Variants in PCSK5 observed in about 807,000 individuals in gnomAD.
PCSK5 encodes proprotein convertase subtilisin/kexin type 5, also known as prohormone convertase 5.
A neutral mutation model predicts 233.2 loss-of-function variants in PCSK5; 129 were observed. The ratio of observed to expected loss-of-function variants is 0.55; its 90% CI spans 0.48 to 0.64. PCSK5 has a LOEUF of 0.64. Among genes scored for constraint, PCSK5 ranks in the 30% least tolerant of loss-of-function variants. The pLI is 0.00. For missense variants in PCSK5, 2,076 were observed against 2,430.1 expected (o/e 0.85, Z 3.06); for synonymous variants, 825 against 879.2 (o/e 0.94, Z 1.09).
intron 5 of PCSK5, among the ~76,000 whole-genome samples, chr9:76,054,121 A>G (rs10118982): frequency 0.066 from 9,974 of 152,136 alleles, 1,072 homozygotes; most frequent in African/African-American, 0.23. Flanking sequence ...AAGACTTACT[A>G]TCACAAGAAC....
intron 26 of PCSK5, 146 bp downstream of exon 26, chr9:76,295,557 G>C: frequency 1.5e-6 from 1 of 659,110 alleles, no homozygotes. Flanking sequence ...ATTTGGTTTA[G>C]AAATAAACAT....
chr9:76,031,096 T>TGC (rs1828636741), intron 5 of PCSK5, among the ~76,000 whole-genome samples: 1 of 152,220 alleles, frequency 6.6e-6, no homozygotes, highest in Non-Finnish European at 1.5e-5. Context: ...TCAGTAGTTC[T>TGC]GCCTGATTTT....
rs147146106 is a variant in PCSK5 at position 76,138,167 on chromosome 9, G to A, written c.1312+3955G>A. ...GAAGAAACGTCAGGGACACCATGGC[G>A]TTGACTAATCTGACCTGCCCTGGTG... On this transcript the variant is annotated intron_variant, in intron 10 of 37. Transcript: ENST00000674117. 3.7e-3 allele frequency among the ~76,000 whole-genome samples: 566 copies of A among 152,146 alleles called. 3 individuals are homozygous for A. The highest frequency in any genetic ancestry group is 0.013 in the African/African-American group (535 of 41,512).
chr9:76,026,916 T>C, intron 4 of PCSK5, 45 bp from the exon 5 acceptor site: 1 of 1,318,314 alleles, frequency 7.6e-7, no homozygotes, highest in Non-Finnish European at 1.1e-6. Flanking sequence ...GGCTAATTAA[T>C]GAATGTCCAT....
chr9:76,248,388 A>G (rs977368840), intron 24 of PCSK5, among the ~76,000 whole-genome samples: 5 of 152,210 alleles, frequency 3.3e-5, no homozygotes, highest in African/African-American at 1.2e-4. Flanking sequence ...CTCAATTAAT[A>G]TTTTAAATCC....
At chr9:75,913,700 T>C (rs1433681990) in intron 1 of PCSK5, among the ~76,000 whole-genome samples, 1 of 152,228 alleles carries the variant, frequency 6.6e-6, no homozygotes, top group Non-Finnish European at 1.5e-5. Context: ...CACTAGGAGC[T>C]AATACACATT....
intron 10 of PCSK5, among the ~76,000 whole-genome samples, chr9:76,148,647 T>C (rs1823549684): frequency 6.6e-6 from 1 of 152,168 alleles, no homozygotes; most frequent in Non-Finnish European, 1.5e-5. Flanking sequence ...CTTCTGTCCA[T>C]CACCCTGTTC....
At chr9:76,251,656 C>CA (rs1382930428) in intron 24 of PCSK5, among the ~76,000 whole-genome samples, 2 of 151,564 alleles carry the variant, frequency 1.3e-5, no homozygotes, top group Non-Finnish European at 2.9e-5. Flanking sequence ...CTGTATAATA[C>CA]AGTAACTGAA....
intron 20 of PCSK5, among the ~76,000 whole-genome samples, chr9:76,213,042 G>T (rs2131288627): frequency 6.6e-6 from 1 of 152,314 alleles, no homozygotes; most frequent in African/African-American, 2.4e-5. Flanking sequence ...GATCCTCCAA[G>T]TGGAGCAGAG....
intron 7 of PCSK5, among the ~76,000 whole-genome samples, chr9:76,091,956 C>T (rs1188249068): frequency 6.6e-6 from 1 of 152,160 alleles, no homozygotes; most frequent in Non-Finnish European, 1.5e-5. Flanking sequence ...CAGCAGCAAC[C>T]TACTGTCCTC....
intron 35 of PCSK5, 59 bp downstream of exon 35, chr9:76,338,506 T>G: frequency 8.0e-7 from 1 of 1,252,570 alleles, no homozygotes; most frequent in Non-Finnish European, 1.1e-6. Context: ...GTTTTCTTCC[T>G]TATTTGCCCC....
chr9:76,176,454 T>C (rs1320326757), intron 14 of PCSK5, among the ~76,000 whole-genome samples: 1 of 152,246 alleles, frequency 6.6e-6, no homozygotes, highest in African/African-American at 2.4e-5. Context: ...CCCATTTCCA[T>C]AGCAATTATT....
At chr9:76,280,807 T>A (rs1247901199) in intron 24 of PCSK5, among the ~76,000 whole-genome samples, 1 of 149,698 alleles carries the variant, frequency 6.7e-6, no homozygotes, top group Non-Finnish European at 1.5e-5. Context: ...AAGTTGTGAA[T>A]GCAAAGCAAA....
intron 20 of PCSK5, among the ~76,000 whole-genome samples, chr9:76,207,244 C>T (rs1332070647): frequency 6.6e-6 from 1 of 152,210 alleles, no homozygotes; most frequent in African/African-American, 2.4e-5. Context: ...CAAGGTAATA[C>T]TCACAGGTCC....
chr9:76,059,410 G>A (rs1684895462), intron 5 of PCSK5, among the ~76,000 whole-genome samples: 1 of 152,178 alleles, frequency 6.6e-6, no homozygotes, highest in African/African-American at 2.4e-5. Flanking sequence ...TGCTTTTGGT[G>A]TTTTAGACAT....
rs1296209736 is a variant in PCSK5, at chr9:76,097,760, A to G, written c.1107+1658A>G. ...GAAGGCAGTAAAAAGTGCCTAGCACAGTACCCGGCCCTTCAGTGCTTAGGA... is the reference window on the plus strand; with the variant it reads ...GAAGGCAGTAAAAAGTGCCTAGCACGGTACCCGGCCCTTCAGTGCTTAGGA... On this transcript the variant is annotated intron_variant, in intron 8 of 37. Coordinates refer to ENST00000674117, the MANE Select transcript of PCSK5 (RefSeq NM_001372043.1). Among the ~76,000 whole-genome samples, 4 of 152,274 alleles carry G rather than the reference A, an allele frequency of 2.6e-5. No homozygotes were observed. The East Asian group carries it at 5.8e-4, about 22-fold the overall frequency.
chr9:75,957,538 AAC>A (rs1215937259), intron 2 of PCSK5, among the ~76,000 whole-genome samples: 1 of 152,158 alleles, frequency 6.6e-6, no homozygotes, highest in Admixed American at 6.5e-5. Context: ...TTCTGACAAA[AAC>A]ATAGTTTTAG....
At position 76,058,018 on chromosome 9, in the gene PCSK5, A is replaced by G. The variant is rs149642756; in HGVS notation, c.633-9937A>G. Among the ~76,000 whole-genome samples the G allele has an allele frequency of 2.0e-3, 309 of 151,686 alleles. 3 individuals carry two copies. The highest frequency in any genetic ancestry group is 0.019 in the Admixed American group (286 of 15,202). ...TGCCCAGCTAATTTATTTTTTATTT[A>G]TTTATTTTTTTGTAGAGACAGGGTC... On this transcript the variant is annotated intron_variant, in intron 5 of 37. Coordinates refer to ENST00000674117, the MANE Select transcript of PCSK5 (RefSeq NM_001372043.1).
intron 26 of PCSK5, 70 bp downstream of exon 26, chr9:76,295,481 G>C (rs1395765042): frequency 5.0e-6 from 7 of 1,394,316 alleles, no homozygotes; most frequent in Middle Eastern, 1.9e-4. Context: ...GGGGCCACAG[G>C]AGCGCACATG....
Sources: gnomAD v4.1 joint callset for allele counts (sites outside exome capture counted in the v4.1 genomes callset) on GRCh38, gnomAD v4.1.1 for gene constraint, MANE v1.5 for transcripts, NCBI Gene and HGNC (gene_info 2026-07-23, HGNC 2026-07-21) for gene names.